ADGRE1: variants seen among roughly 807,000 people sequenced by gnomAD.
The protein encoded by ADGRE1 is EGF-like module receptor 1.
ADGRE1 carries 82 observed loss-of-function variants against 102.7 expected under a neutral mutation model. That is an observed-to-expected ratio of 0.80 (90% CI 0.67 to 0.96). The LOEUF (loss-of-function observed/expected upper bound fraction) is 0.96, where lower values mean the gene tolerates loss of function less well. Ranked by LOEUF, ADGRE1 falls within the 40% of genes least tolerant of loss-of-function variation. The pLI, the probability that ADGRE1 is intolerant of heterozygous loss-of-function variation, is 0.00. For missense variants in ADGRE1, 1,032 were observed against 1,085.3 expected (o/e 0.95, Z 0.69); for synonymous variants, 398 against 399.6 (o/e 1.00, Z 0.05).
Position 6,901,935 on chromosome 19 carries a change from T to C in ADGRE1, c.575T>C (p.Val192Ala), listed in dbSNP as rs1973777833. Reference sequence around the variant, plus strand: ...GAGCATGCAACTTGTAATAACACTGTTGGAAACTACTCTTGTTTCTGCAAC... The same window carrying C: ...GAGCATGCAACTTGTAATAACACTGCTGGAAACTACTCTTGTTTCTGCAAC... The part of the protein sequence containing the change: ...CPEHATCNNT[V>A]GNYSCFCNPG... The change falls in exon 6 of 21, where the codon GTT (valine) becomes GCT (alanine). Residue 192 changes from valine (V) to alanine (A), a missense_variant. Physicochemically the swap from Val to Ala is moderately conservative, Grantham distance 64 (BLOSUM62 0). Transcript: ENST00000312053. 1 of 1,614,108 alleles carries C rather than the reference T, an allele frequency of 6.2e-7. No homozygotes were observed. The highest frequency in any genetic ancestry group is 1.7e-5 in the Admixed American group (1 of 60,008).
chr19:6,916,532 A>G (rs1974391322), intron 12 of ADGRE1, among the ~76,000 whole-genome samples, 164 bp downstream of exon 12: 1 of 152,090 alleles, frequency 6.6e-6, no homozygotes. Context: ...GAAGTCAAAC[A>G]TTAAATAACC....
At chr19:6,929,864 C>T (rs571955766) in intron 17 of ADGRE1, among the ~76,000 whole-genome samples, 1 of 152,232 alleles carries the variant, frequency 6.6e-6, no homozygotes, top group Non-Finnish European at 1.5e-5. Flanking sequence ...CCACGTTGAC[C>T]AGGCTCCTAA....
Position 6,901,969 on chromosome 19 carries a change from T to A in ADGRE1, c.609T>A (p.Phe203Leu). The A allele has an allele frequency of 6.2e-7, 1 of 1,614,230 alleles. No homozygotes were observed. The highest frequency in any genetic ancestry group is 8.5e-7 in the Non-Finnish European group (1 of 1,180,038). ...ACTCTTGTTTCTGCAACCCAGGATT[T>A]GAATCCAGCAGTGGCCACTTGAGTT... ...GNYSCFCNPGFESSSGHLSFQ... is the reference protein window; with the variant it reads ...GNYSCFCNPGLESSSGHLSFQ... Residue 203 changes from phenylalanine (F) to leucine (L), a missense_variant, in exon 6 of 21, where the codon TTT (phenylalanine) becomes TTA (leucine). Transcript: ENST00000312053.
In ADGRE1 at chr19:6,904,058, T is replaced by A; in HGVS notation, c.825T>A (p.Asp275Glu). 6 of 1,614,212 alleles carry A rather than the reference T, an allele frequency of 3.7e-6. No individual in the cohort carries two copies. The highest frequency in any genetic ancestry group is 5.1e-6 in the Non-Finnish European group (6 of 1,180,036). The change falls in exon 8 of 21, where the codon GAT (aspartate) becomes GAA (glutamate). Residue 275 changes from aspartate (D) to glutamate (E), a missense_variant. By Grantham distance (45) the Asp-to-Glu change is conservative. Transcript: ENST00000312053. ...ECRDIDECRQ[D>E]PSTCGPNSIC... The stretch of plus-strand genomic sequence containing the variant: ...CAGATATTGATGAGTGCCGCCAAGA[T>A]CCATCAACCTGTGGTCCTAATTCTA...
At position 6,938,649 on chromosome 19, in the gene ADGRE1, G is replaced by A. The variant is rs140612934; in HGVS notation, c.2655+1001G>A. On this transcript the variant is annotated intron_variant, in intron 20 of 20. Coordinates refer to ENST00000312053, the MANE Select transcript of ADGRE1 (RefSeq NM_001974.5). Reference sequence around the variant, plus strand: ...ATAATGGTAATCCTTACCTTGGAAGGTTATACTAGATATTAGATGAACCAG... The same window carrying A: ...ATAATGGTAATCCTTACCTTGGAAGATTATACTAGATATTAGATGAACCAG... Among the ~76,000 whole-genome samples, 1,224 of 151,672 alleles carry A rather than the reference G, an allele frequency of 8.1e-3. 18 individuals carry two copies. Among genetic ancestry groups the A allele is most frequent in the African/African-American group, 0.027 (1,097 of 41,284 alleles).
At chr19:6,902,074 G>A in intron 6 of ADGRE1, 53 bp downstream of exon 6, 2 of 1,605,278 alleles carry the variant, frequency 1.2e-6, no homozygotes, top group Admixed American at 1.7e-5. Flanking sequence ...TGAAAAGACA[G>A]CAGTGAGGGG....
intron 12 of ADGRE1, 122 bp downstream of exon 12, chr19:6,916,490 C>G: frequency 7.7e-7 from 1 of 1,291,694 alleles, no homozygotes; most frequent in Non-Finnish European, 1.0e-6. Context: ...TAGAAATGGT[C>G]CATGCTCTCA....
chr19:6,911,474 ATATTAC>A (rs1974179465), intron 10 of ADGRE1, among the ~76,000 whole-genome samples: 1 of 146,336 alleles, frequency 6.8e-6, no homozygotes, highest in Non-Finnish European at 1.5e-5. Flanking sequence ...AATCATATGA[ATATTAC>A]TATTACTATT....
chr19:6,927,593 G>C (rs1974974180), intron 16 of ADGRE1, among the ~76,000 whole-genome samples: 1 of 152,126 alleles, frequency 6.6e-6, no homozygotes, highest in South Asian at 2.1e-4. Flanking sequence ...CCCTATCTAA[G>C]GATAGTCAGG....
chr19:6,931,560 G>A (rs968242473), intron 17 of ADGRE1, among the ~76,000 whole-genome samples: 1 of 152,176 alleles, frequency 6.6e-6, no homozygotes, highest in African/African-American at 2.4e-5. Flanking sequence ...CATTTTGGGA[G>A]GCCGAGGCGG....
intron 1 of ADGRE1, among the ~76,000 whole-genome samples, chr19:6,888,340 C>T (rs1012113605): frequency 3.0e-4 from 45 of 152,160 alleles, no homozygotes; most frequent in Non-Finnish European, 5.1e-4. Flanking sequence ...AGGGGCAGTT[C>T]GAGCTGAGTC....
At position 6,908,065 on chromosome 19, in the gene ADGRE1, G is replaced by A. The variant is rs527894940; in HGVS notation, c.1039-624G>A. ...CACACTGGAAGGTTGTGGGTTTACC[G>A]GAATGAGGGCAAGGAACACCTGCCC... On this transcript the variant is annotated intron_variant, in intron 9 of 20. Transcript: ENST00000312053. Among the ~76,000 whole-genome samples, 61 of 152,310 alleles carry A rather than the reference G, an allele frequency of 4.0e-4. No individual in the cohort carries two copies. In the South Asian group the frequency reaches 0.012, roughly 29 times the overall value.
At position 6,926,293 on chromosome 19, in the gene ADGRE1, C is replaced by T. The variant is rs56005136; in HGVS notation, c.1987-73C>T. ...TTTGGGGAATTTCCAGCCGAGGAGT[C>T]TCTCTCTTCCTTTCTTCCTTTCGAT... On this transcript the variant is annotated intron_variant, in intron 15 of 20. Coordinates refer to ENST00000312053, the MANE Select transcript of ADGRE1 (RefSeq NM_001974.5). The T allele has an allele frequency of 5.5e-3, 8,337 of 1,521,458 alleles. 326 individuals are homozygous for T. In the African/African-American group the frequency reaches 0.093, roughly 17 times the overall value. 94.2% of individuals were successfully genotyped at this position (1,521,458 alleles called of 1,614,324 possible). A position where few individuals can be genotyped will look rare whatever the true frequency, so the allele number is the denominator to read the frequency against.
chr19:6,916,318 G>C lies in ADGRE1; in HGVS notation c.1370G>C (p.Gly457Ala). 6.2e-7 allele frequency: 1 copy of C among 1,613,708 alleles called. No homozygotes were observed. The highest frequency in any genetic ancestry group is 1.7e-5 in the Admixed American group (1 of 59,990). Residue 457 changes from glycine to alanine, a missense_variant, in exon 12 of 21, where the codon GGG becomes GCG. By Grantham distance (60) the Gly-to-Ala change is moderately conservative (BLOSUM62 0). Coordinates refer to ENST00000312053, the MANE Select transcript of ADGRE1 (RefSeq NM_001974.5). ...ENVTLDLVAKGDKMKIGCSTI... is the reference protein window; with the variant it reads ...ENVTLDLVAKADKMKIGCSTI... ...GTGACGTTGGACTTGGTAGCCAAGGGGGATAAGATGAAGATCGGGTGTTCC... is the reference window on the plus strand; with the variant it reads ...GTGACGTTGGACTTGGTAGCCAAGGCGGATAAGATGAAGATCGGGTGTTCC...
chr19:6,939,651 A>C (rs1330007333), intron 20 of ADGRE1, among the ~76,000 whole-genome samples: 1 of 152,208 alleles, frequency 6.6e-6, no homozygotes, highest in Non-Finnish European at 1.5e-5. Flanking sequence ...ACAGGACCAG[A>C]AAGCCCTTCT....
chr19:6,932,221 C>T (rs1371416981), intron 17 of ADGRE1, among the ~76,000 whole-genome samples: 1 of 152,134 alleles, frequency 6.6e-6, no homozygotes, highest in East Asian at 1.9e-4. Flanking sequence ...GTAATCCCAG[C>T]ACTTTGGGAG....
At chr19:6,908,374 A>G (rs965160801) in intron 9 of ADGRE1, among the ~76,000 whole-genome samples, 1 of 152,054 alleles carries the variant, frequency 6.6e-6, no homozygotes, top group Non-Finnish European at 1.5e-5. Context: ...TCACACCTCT[A>G]TATTCCTGTG....
At chr19:6,923,431 A>G (rs948008584) in intron 14 of ADGRE1, among the ~76,000 whole-genome samples, 1 of 152,228 alleles carries the variant, frequency 6.6e-6, no homozygotes, top group Non-Finnish European at 1.5e-5. Flanking sequence ...ATTGCCATTA[A>G]TATTCTCTTT....
chr19:6,895,458 C>A (rs1973516452), intron 2 of ADGRE1: 1 of 152,224 alleles, frequency 6.6e-6, no homozygotes, highest in Non-Finnish European at 1.5e-5. Flanking sequence ...TCTGCCTTGT[C>A]CCGAAATTTG....
Sources: allele counts gnomAD v4.1 joint callset (sites outside exome capture counted in the v4.1 genomes callset), GRCh38; gene constraint gnomAD v4.1.1; transcripts MANE v1.5; gene names NCBI Gene and HGNC (gene_info 2026-07-23, HGNC 2026-07-21).